Variants in CNTNAP2 observed in about 807,000 individuals in gnomAD.
CNTNAP2 encodes the protein contactin-associated protein-like 2.
Under a neutral mutation model 155.2 loss-of-function variants are expected in CNTNAP2, and 98 were observed. That is an observed-to-expected ratio of 0.63 (90% CI 0.54 to 0.75). The LOEUF (loss-of-function observed/expected upper bound fraction) is 0.75, where lower values mean the gene tolerates loss of function less well. CNTNAP2 is among the 30% of genes least tolerant of loss of function. The pLI is 0.00. For missense variants in CNTNAP2, 1,727 were observed against 1,688.1 expected, an observed-to-expected ratio of 1.02 and a Z score of -0.40; for synonymous variants, 651 against 631.2, an observed-to-expected ratio of 1.03 and a Z score of -0.47.
intron 21 of CNTNAP2, among the ~76,000 whole-genome samples, chr7:148,353,875 A>G (rs1798469221): frequency 1.3e-5 from 2 of 152,228 alleles, no homozygotes; most frequent in Admixed American, 1.3e-4. Context: ...CAAAAATTCC[A>G]ATTTTATATT....
chr7:147,342,641 C>T (rs1255979074), intron 9 of CNTNAP2, among the ~76,000 whole-genome samples: 2 of 152,106 alleles, frequency 1.3e-5, no homozygotes, highest in East Asian at 1.9e-4. Context: ...TTGTGCTCAT[C>T]CAAGGACAAA....
chr7:147,479,985 C>T (rs1231726226), intron 10 of CNTNAP2, among the ~76,000 whole-genome samples: 1 of 151,788 alleles, frequency 6.6e-6, no homozygotes, highest in Non-Finnish European at 1.5e-5. Flanking sequence ...GAAGACACTC[C>T]ATAGAGAATA....
chr7:147,652,069 A>C (rs1367878520), intron 13 of CNTNAP2, among the ~76,000 whole-genome samples: 1 of 152,176 alleles, frequency 6.6e-6, no homozygotes, highest in African/African-American at 2.4e-5. Context: ...CTATGAATAA[A>C]ATAATCCATA....
At position 146,614,099 on chromosome 7, in the gene CNTNAP2, G is replaced by GTT. The variant is rs60980056; in HGVS notation, c.98-160171_98-160170insTT. The stretch of plus-strand genomic sequence containing the variant: ...CATTATTAAGCTTTTATTATGACCC[G>GTT]TGAGTCCTATTTAATTTTTAAGCAA... On this transcript the variant is annotated intron_variant, in intron 1 of 23. Coordinates refer to ENST00000361727, the MANE Select transcript of CNTNAP2 (RefSeq NM_014141.6). 5.8e-4 allele frequency among the ~76,000 whole-genome samples: 88 copies of GTT among 151,988 alleles called. No homozygotes were observed. In the East Asian group the frequency reaches 0.015, roughly 25 times the overall value.
At chr7:147,677,016 G>C (rs1184719255) in intron 13 of CNTNAP2, among the ~76,000 whole-genome samples, 1 of 151,558 alleles carries the variant, frequency 6.6e-6, no homozygotes, top group Non-Finnish European at 1.5e-5. Context: ...CATTTCCTTT[G>C]GATATATACT....
At chr7:147,728,389 A>G (rs140977377) in intron 13 of CNTNAP2, among the ~76,000 whole-genome samples, 1 of 152,170 alleles carries the variant, frequency 6.6e-6, no homozygotes, top group African/African-American at 2.4e-5. Flanking sequence ...TTTTGGAAAA[A>G]GAGGATTTTT....
chr7:146,191,066 T>A (rs765430443), intron 1 of CNTNAP2, among the ~76,000 whole-genome samples: 1 of 152,154 alleles, frequency 6.6e-6, no homozygotes, highest in Non-Finnish European at 1.5e-5. Flanking sequence ...GGTCACCAAT[T>A]ATTGGGGGAA....
At chr7:147,940,303 T>TA (rs59484615) in intron 14 of CNTNAP2, 35,882 of 91,672 alleles carry the variant, frequency 0.39, 7,428 homozygotes, top group Middle Eastern at 0.58. Flanking sequence ...CCTGTCTCTT[T>TA]AAAAAAAAAA....
At chr7:147,758,546 T>G (rs368386698) in intron 13 of CNTNAP2, among the ~76,000 whole-genome samples, 19 of 152,254 alleles carry the variant, frequency 1.2e-4, no homozygotes, top group African/African-American at 4.6e-4. Flanking sequence ...TTCAGTAAGT[T>G]AATTAAATAT....
intron 13 of CNTNAP2, among the ~76,000 whole-genome samples, chr7:147,848,726 AT>A (rs1410369005): frequency 2.0e-5 from 3 of 148,846 alleles, no homozygotes; most frequent in East Asian, 2.0e-4. Context: ...AAAAAAAAAA[AT>A]AACTAAATAT....
chr7:147,790,739 A>G (rs568183758), intron 13 of CNTNAP2, among the ~76,000 whole-genome samples: 1 of 152,370 alleles, frequency 6.6e-6, no homozygotes, highest in South Asian at 2.1e-4. Flanking sequence ...ATAACTTTTT[A>G]AAGAAATGCT....
intron 22 of CNTNAP2, among the ~76,000 whole-genome samples, chr7:148,386,027 C>A (rs1174076272): frequency 6.6e-6 from 1 of 152,060 alleles, no homozygotes; most frequent in Non-Finnish European, 1.5e-5. Flanking sequence ...TTACAGGATT[C>A]TTTTGATTGA....
At chr7:147,532,521 C>T (rs1799460264) in intron 11 of CNTNAP2, among the ~76,000 whole-genome samples, 1 of 152,194 alleles carries the variant, frequency 6.6e-6, no homozygotes, top group African/African-American at 2.4e-5. Flanking sequence ...CAGCCTCTGC[C>T]TGTTACCCAG....
At chr7:147,462,520 C>T (rs1172905341) in intron 10 of CNTNAP2, among the ~76,000 whole-genome samples, 1 of 152,118 alleles carries the variant, frequency 6.6e-6, no homozygotes, top group Non-Finnish European at 1.5e-5. Flanking sequence ...AATGTATGTT[C>T]TCAAATGGAG....
intron 8 of CNTNAP2, among the ~76,000 whole-genome samples, chr7:147,238,813 T>C (rs777095789): frequency 5.3e-5 from 8 of 152,206 alleles, no homozygotes; most frequent in Non-Finnish European, 8.8e-5. Flanking sequence ...CAGCAATTAA[T>C]TTCCTGATTA....
chr7:147,055,971 T>C (rs907705431), intron 4 of CNTNAP2, among the ~76,000 whole-genome samples: 5 of 152,200 alleles, frequency 3.3e-5, no homozygotes, highest in African/African-American at 1.2e-4. Flanking sequence ...TTCGGCCTTA[T>C]ACCACAAGCT....
intron 5 of CNTNAP2, among the ~76,000 whole-genome samples, chr7:147,115,412 T>G (rs1012388796): frequency 1.6e-4 from 24 of 152,316 alleles, no homozygotes; most frequent in African/African-American, 5.5e-4. Flanking sequence ...TGAAGTATGT[T>G]TTCCAACTTG....
intron 1 of CNTNAP2, among the ~76,000 whole-genome samples, chr7:146,765,938 G>C (rs538479311): frequency 3.3e-5 from 5 of 151,598 alleles, no homozygotes; most frequent in African/African-American, 1.2e-4. Flanking sequence ...AGAGAGGAGA[G>C]TGAATCTAGA....
intron 14 of CNTNAP2, among the ~76,000 whole-genome samples, chr7:147,948,083 C>T (rs1276410602): frequency 6.6e-6 from 1 of 151,762 alleles, no homozygotes; most frequent in Non-Finnish European, 1.5e-5. Context: ...TTTTCAAAGC[C>T]ATGTATATGC....
Sources: gnomAD v4.1 joint callset for allele counts (sites outside exome capture counted in the v4.1 genomes callset) on GRCh38, gnomAD v4.1.1 for gene constraint, MANE v1.5 for transcripts, NCBI Gene and HGNC (gene_info 2026-07-23, HGNC 2026-07-21) for gene names.